SYN3: variants seen among roughly 807,000 people sequenced by gnomAD.
SYN3 encodes synapsin III, also known as synapsin-3.
SYN3 carries 35 observed loss-of-function variants against 65.8 expected under a neutral mutation model. The observed-to-expected ratio is 0.53, with a 90% CI of 0.41 to 0.70. The LOEUF (loss-of-function observed/expected upper bound fraction) is 0.70, where lower values mean the gene tolerates loss of function less well. Among genes scored for constraint, SYN3 ranks in the 30% least tolerant of loss-of-function variants. SYN3 has a pLI of 0.00. For synonymous variants in SYN3, 270 were observed against 292.9 expected, an observed-to-expected ratio of 0.92 and a Z score of 0.80; for missense variants, 680 against 749.0, an observed-to-expected ratio of 0.91 and a Z score of 1.08.
intron 6 of SYN3, among the ~76,000 whole-genome samples, chr22:32,843,836 G>A (rs1017384182): frequency 2.0e-5 from 3 of 152,108 alleles, no homozygotes; most frequent in Admixed American, 6.5e-5. Flanking sequence ...CTAACCAGAC[G>A]TCCCTTACTT....
At chr22:32,852,252 G>A (rs2048239028) in intron 6 of SYN3, among the ~76,000 whole-genome samples, 2 of 152,198 alleles carry the variant, frequency 1.3e-5, no homozygotes, top group Admixed American at 1.3e-4. Context: ...TTGCCTATAA[G>A]GAGATAATAC....
intron 7 of SYN3, among the ~76,000 whole-genome samples, chr22:32,542,310 G>T (rs1281678143): frequency 1.3e-5 from 2 of 152,146 alleles, no homozygotes; most frequent in African/African-American, 2.4e-5. Flanking sequence ...GTGCATGTGT[G>T]CATGGTGTGT....
intron 6 of SYN3, among the ~76,000 whole-genome samples, chr22:32,787,552 T>C (rs1326038032): frequency 6.6e-6 from 1 of 152,192 alleles, no homozygotes; most frequent in African/African-American, 2.4e-5. Context: ...GTTGTGAAGA[T>C]TCACTATTTC....
chr22:32,562,498 G>A (rs1193783385), intron 7 of SYN3, among the ~76,000 whole-genome samples: 4 of 152,142 alleles, frequency 2.6e-5, no homozygotes, highest in African/African-American at 4.8e-5. Context: ...CACAGTGACC[G>A]GCCCTGACAG....
intron 6 of SYN3, among the ~76,000 whole-genome samples, chr22:32,712,759 T>A (rs1443179600): frequency 6.6e-6 from 1 of 152,212 alleles, no homozygotes; most frequent in African/African-American, 2.4e-5. Flanking sequence ...ACTGGCATTC[T>A]TTGAGATCCT....
intron 4 of SYN3, among the ~76,000 whole-genome samples, chr22:32,878,226 CTTCT>C (rs1041224026): frequency 7.2e-5 from 11 of 152,176 alleles, no homozygotes; most frequent in African/African-American, 2.4e-4. Flanking sequence ...GATCTGAGGA[CTTCT>C]GTTAAAGGTC....
chr22:32,681,459 G>A (rs977138324), intron 6 of SYN3, among the ~76,000 whole-genome samples: 2 of 152,160 alleles, frequency 1.3e-5, no homozygotes, highest in Non-Finnish European at 2.9e-5. Context: ...TCACCTACAT[G>A]TCCTCTAATC....
At chr22:32,622,273 A>C (rs2059606112) in intron 6 of SYN3, among the ~76,000 whole-genome samples, 2 of 150,984 alleles carry the variant, frequency 1.3e-5, no homozygotes, top group South Asian at 2.1e-4. Flanking sequence ...GCCCATCTCC[A>C]CCTCCTCCTC....
chr22:32,662,219 T>C (rs1481772061), intron 6 of SYN3, among the ~76,000 whole-genome samples: 1 of 151,882 alleles, frequency 6.6e-6, no homozygotes, highest in African/African-American at 2.4e-5. Context: ...CGGCATTCTT[T>C]TCTCCTCCCT....
At chr22:32,710,121 G>GTA (rs1846380124) in intron 6 of SYN3, among the ~76,000 whole-genome samples, 1 of 147,254 alleles carries the variant, frequency 6.8e-6, no homozygotes, top group Admixed American at 6.7e-5. Flanking sequence ...ATGTGTGTGT[G>GTA]TGTGTGTGTG....
chr22:32,975,200 C>A (rs764872914), intron 3 of SYN3, among the ~76,000 whole-genome samples: 15 of 152,002 alleles, frequency 9.9e-5, no homozygotes, highest in Non-Finnish European at 1.8e-4. Flanking sequence ...CATGGTGAAA[C>A]CCTGTCTTTA....
rs542684018 is a variant in SYN3, at chr22:32,666,647, C to T, written c.712-69911G>A. On this transcript the variant is annotated intron_variant, in intron 6 of 13. Coordinates refer to ENST00000358763, the MANE Select transcript of SYN3 (RefSeq NM_003490.4). Reference sequence around the variant, plus strand: ...TTGTTTAACACGGTGGCCCCTTCTGCTCCCCATGCACATTCCCCATCTCCC... The same window carrying T: ...TTGTTTAACACGGTGGCCCCTTCTGTTCCCCATGCACATTCCCCATCTCCC... Among the ~76,000 whole-genome samples the T allele has an allele frequency of 5.7e-4, 87 of 152,308 alleles. No homozygotes were observed. In the South Asian group the frequency reaches 0.017, roughly 30 times the overall value.
chr22:32,553,697 C>T (rs1484870766), intron 7 of SYN3, among the ~76,000 whole-genome samples: 1 of 152,172 alleles, frequency 6.6e-6, no homozygotes, highest in Non-Finnish European at 1.5e-5. Context: ...GTTGTGTCAG[C>T]CTACTCTGGC....
chr22:33,025,215 G>A (rs1329079219), intron 1 of SYN3, among the ~76,000 whole-genome samples: 1 of 151,840 alleles, frequency 6.6e-6, no homozygotes, highest in Non-Finnish European at 1.5e-5. Flanking sequence ...CCAGCACTTT[G>A]GGAGGCCGAG....
chr22:32,800,932 A>G (rs570320705), intron 6 of SYN3, among the ~76,000 whole-genome samples: 14 of 152,198 alleles, frequency 9.2e-5, no homozygotes, highest in African/African-American at 3.4e-4. Flanking sequence ...GTCATGTCCA[A>G]CCCAGAACTC....
intron 6 of SYN3, among the ~76,000 whole-genome samples, chr22:32,767,293 A>T (rs565527066): frequency 6.6e-6 from 1 of 152,244 alleles, no homozygotes; most frequent in Admixed American, 6.5e-5. Context: ...TTAAAGGAAT[A>T]TTATCTGGTT....
intron 6 of SYN3, among the ~76,000 whole-genome samples, chr22:32,729,730 C>G (rs2147333499): frequency 6.6e-6 from 1 of 152,288 alleles, no homozygotes; most frequent in Middle Eastern, 3.4e-3. Context: ...GCTCAGCAGG[C>G]ATGTGAAGTA....
intron 2 of SYN3, among the ~76,000 whole-genome samples, chr22:32,984,914 T>C (rs770167137): frequency 2.4e-4 from 36 of 152,170 alleles, no homozygotes; most frequent in Non-Finnish European, 4.7e-4. Flanking sequence ...GACAAGACAC[T>C]TAGCCCTCTG....
intron 6 of SYN3, among the ~76,000 whole-genome samples, chr22:32,677,245 G>A (rs113346535): frequency 3.9e-5 from 6 of 152,240 alleles, no homozygotes; most frequent in African/African-American, 9.6e-5. Context: ...CTGGGTAATC[G>A]GTGATGAGTT....
Sources: allele counts gnomAD v4.1 joint callset (sites outside exome capture counted in the v4.1 genomes callset), GRCh38; gene constraint gnomAD v4.1.1; transcripts MANE v1.5; gene names NCBI Gene and HGNC (gene_info 2026-07-23, HGNC 2026-07-21).